Variants in SEMA6D observed in about 807,000 individuals in gnomAD.
The protein encoded by SEMA6D is semaphorin 6D.
In SEMA6D, 35 loss-of-function variants were observed where a neutral mutation model predicts 106.6. That is an observed-to-expected ratio of 0.33 (90% CI 0.25 to 0.44). The LOEUF (loss-of-function observed/expected upper bound fraction) is 0.44. SEMA6D is among the 20% of genes least tolerant of loss of function. The pLI, the probability that SEMA6D is intolerant of heterozygous loss-of-function variation, is 1.00. For missense variants in SEMA6D, 1,185 were observed against 1,345.9 expected, an observed-to-expected ratio of 0.88 and a Z score of 1.87; for synonymous variants, 499 against 487.7, an observed-to-expected ratio of 1.02 and a Z score of -0.31.
At chr15:47,367,674 TCACA>T (rs200328753) in intron 1 of SEMA6D, among the ~76,000 whole-genome samples, 2 of 141,302 alleles carry the variant, frequency 1.4e-5, no homozygotes, top group African/African-American at 2.7e-5. Context: ...ACACGCACGC[TCACA>T]CGCGCGCGCG....
intron 1 of SEMA6D, among the ~76,000 whole-genome samples, chr15:47,257,100 C>T (rs1481254495): frequency 6.6e-6 from 1 of 150,548 alleles, no homozygotes; most frequent in Non-Finnish European, 1.5e-5. Flanking sequence ...CTCTGTTGCC[C>T]AGGCTGGAGT....
chr15:47,201,967 A>T (rs1259873585), intron 1 of SEMA6D, among the ~76,000 whole-genome samples: 2 of 151,980 alleles, frequency 1.3e-5, no homozygotes, highest in African/African-American at 4.8e-5. Context: ...AGGATCCTTG[A>T]GCTTATGCTG....
intron 1 of SEMA6D, among the ~76,000 whole-genome samples, chr15:47,336,229 T>A (rs1489618410): frequency 6.6e-6 from 1 of 152,148 alleles, no homozygotes; most frequent in Non-Finnish European, 1.5e-5. Flanking sequence ...GATTGTGTCG[T>A]GGGAATGGAC....
chr15:47,450,753 C>A (rs143145446), intron 2 of SEMA6D, among the ~76,000 whole-genome samples: 1 of 152,158 alleles, frequency 6.6e-6, no homozygotes, highest in African/African-American at 2.4e-5. Flanking sequence ...CAATCTGGTC[C>A]CTTCTCATTT....
At chr15:47,528,173 A>G (rs1204776124) in intron 3 of SEMA6D, among the ~76,000 whole-genome samples, 5 of 152,222 alleles carry the variant, frequency 3.3e-5, no homozygotes, top group Non-Finnish European at 7.3e-5. Flanking sequence ...TTTTAGCTGA[A>G]TAAGGACAAT....
intron 1 of SEMA6D, among the ~76,000 whole-genome samples, chr15:47,377,100 C>T (rs1218424149): frequency 6.6e-6 from 1 of 152,098 alleles, no homozygotes; most frequent in Non-Finnish European, 1.5e-5. Flanking sequence ...GGGCAGAATA[C>T]AATTGTAAAT....
intron 3 of SEMA6D, among the ~76,000 whole-genome samples, chr15:47,498,966 G>A (rs1596160389): frequency 6.6e-6 from 1 of 152,134 alleles, no homozygotes; most frequent in South Asian, 2.1e-4. Flanking sequence ...TTTATTGAAT[G>A]ATGGTTATTC....
intron 1 of SEMA6D, among the ~76,000 whole-genome samples, chr15:47,193,366 G>A (rs1894099673): frequency 6.6e-6 from 1 of 152,136 alleles, no homozygotes; most frequent in African/African-American, 2.4e-5. Context: ...GCTAATTGGA[G>A]CATTTTGGAT....
At chr15:47,235,825 AACAG>A (rs2032503121) in intron 1 of SEMA6D, among the ~76,000 whole-genome samples, 1 of 151,980 alleles carries the variant, frequency 6.6e-6, no homozygotes, top group African/African-American at 2.4e-5. Flanking sequence ...TCCATGGGGT[AACAG>A]CTTTAGCACT....
chr15:47,588,019 G>A (rs1566913515), intron 3 of SEMA6D, among the ~76,000 whole-genome samples: 1 of 152,112 alleles, frequency 6.6e-6, no homozygotes, highest in Non-Finnish European at 1.5e-5. Flanking sequence ...AAAACACAGA[G>A]GAAAGATAAC....
At chr15:47,452,371 C>T (rs1390353690) in intron 2 of SEMA6D, among the ~76,000 whole-genome samples, 1 of 150,252 alleles carries the variant, frequency 6.7e-6, no homozygotes, top group Non-Finnish European at 1.5e-5. Flanking sequence ...GTTCAAGTTG[C>T]AGCTTTGACA....
chr15:47,760,320 G>C lies in SEMA6D; in HGVS notation c.126G>C (p.Pro42=). 2 of 1,613,338 alleles carry C rather than the reference G, an allele frequency of 1.2e-6. No homozygotes were observed. The highest frequency in any genetic ancestry group is 4.5e-5 in the East Asian group (2 of 44,848). ...TVDYHYSRQY[P]VFRGRPSGNE... The stretch of plus-strand genomic sequence containing the variant: ...TACTTGCAGATTCAAGGCAATATCC[G>C]GTTTTTAGAGGACGCCCTTCAGGCA... The change falls in exon 3 of 19, where the codon CCG becomes CCC. Residue 42 remains proline, a synonymous_variant. Coordinates refer to ENST00000536845, the MANE Select transcript of SEMA6D (RefSeq NM_001358351.3).
chr15:47,448,245 C>CG (rs2042086654), intron 2 of SEMA6D, among the ~76,000 whole-genome samples: 1 of 152,050 alleles, frequency 6.6e-6, no homozygotes, highest in Non-Finnish European at 1.5e-5. Context: ...ACGCCTGGGC[C>CG]GGGATCTTTG....
intron 3 of SEMA6D, among the ~76,000 whole-genome samples, chr15:47,499,894 G>A (rs2043793757): frequency 6.6e-6 from 1 of 151,874 alleles, no homozygotes; most frequent in African/African-American, 2.4e-5. Context: ...AAACTTCAGT[G>A]CTTAAAGGCA....
chr15:47,628,964 A>G (rs1198818909), intron 4 of SEMA6D, among the ~76,000 whole-genome samples: 1 of 152,048 alleles, frequency 6.6e-6, no homozygotes, highest in African/African-American at 2.4e-5. Context: ...ATGGATGCCT[A>G]CTTGCTCCAG....
At chr15:47,642,731 A>G (rs2077511371) in intron 4 of SEMA6D, among the ~76,000 whole-genome samples, 1 of 152,194 alleles carries the variant, frequency 6.6e-6, no homozygotes, top group Non-Finnish European at 1.5e-5. Flanking sequence ...AGGACTGAGT[A>G]TATGATGGCT....
chr15:47,731,222 G>A (rs1400104431), intron 1 of SEMA6D, among the ~76,000 whole-genome samples: 1 of 152,074 alleles, frequency 6.6e-6, no homozygotes, highest in African/African-American at 2.4e-5. Flanking sequence ...TCAGTTAGCA[G>A]TAATTGCACC....
chr15:47,269,980 C>A (rs1172990373), intron 1 of SEMA6D, among the ~76,000 whole-genome samples: 4 of 151,786 alleles, frequency 2.6e-5, no homozygotes, highest in African/African-American at 9.6e-5. Context: ...GAATTAACAT[C>A]ATAATAATAC....
chr15:47,439,322 A>T (rs937753003), intron 2 of SEMA6D, among the ~76,000 whole-genome samples: 1 of 152,152 alleles, frequency 6.6e-6, no homozygotes, highest in African/African-American at 2.4e-5. Flanking sequence ...AAAAGCGTAT[A>T]TAAACTCAAT....
Sources: allele counts gnomAD v4.1 joint callset (sites outside exome capture counted in the v4.1 genomes callset), GRCh38; gene constraint gnomAD v4.1.1; transcripts MANE v1.5; gene names NCBI Gene and HGNC (gene_info 2026-07-23, HGNC 2026-07-21).